Variants in PRKD1 observed in about 807,000 individuals in gnomAD.
PRKD1 encodes protein kinase D1.
In PRKD1, 63 loss-of-function variants were observed where a neutral mutation model predicts 95.9. That is an observed-to-expected ratio of 0.66 (90% CI 0.54 to 0.81). The LOEUF (loss-of-function observed/expected upper bound fraction) is 0.81, where lower values mean the gene tolerates loss of function less well. Among genes scored for constraint, PRKD1 ranks in the 30% least tolerant of loss-of-function variants. The probability of loss-of-function intolerance (pLI) is 0.00; values close to 1 mark genes in which losing one functional copy is unlikely to be tolerated. For missense variants in PRKD1, 1,048 were observed against 1,165.3 expected (o/e 0.90, Z 1.47); for synonymous variants, 425 against 423.1 (o/e 1.00, Z -0.05).
intron 1 of PRKD1, among the ~76,000 whole-genome samples, chr14:29,847,880 C>G (rs1050730272): frequency 5.3e-5 from 8 of 152,030 alleles, no homozygotes; most frequent in African/African-American, 1.7e-4. Flanking sequence ...CTCTCTCTCC[C>G]CCCCCACCAA....
At chr14:29,735,621 G>A (rs951156730) in intron 1 of PRKD1, among the ~76,000 whole-genome samples, 2 of 152,216 alleles carry the variant, frequency 1.3e-5, no homozygotes, top group Admixed American at 6.5e-5. Flanking sequence ...TGTGATGCAA[G>A]AGTCAGGTGG....
intron 1 of PRKD1, among the ~76,000 whole-genome samples, chr14:29,727,845 T>C (rs1227705461): frequency 6.6e-6 from 1 of 151,332 alleles, no homozygotes; most frequent in Non-Finnish European, 1.5e-5. Context: ...AAATGATGAG[T>C]TCATGTCCTT....
At chr14:29,683,486 G>C (rs182250869) in intron 2 of PRKD1, among the ~76,000 whole-genome samples, 3 of 152,268 alleles carry the variant, frequency 2.0e-5, no homozygotes, top group African/African-American at 7.2e-5. Context: ...CAGAGGTTAG[G>C]GGAAAGAGTA....
intron 2 of PRKD1, among the ~76,000 whole-genome samples, chr14:29,710,650 G>A (rs1043360696): frequency 1.3e-5 from 2 of 151,950 alleles, no homozygotes; most frequent in Non-Finnish European, 2.9e-5. Context: ...AGCAGAAACA[G>A]GACATTAATG....
intron 1 of PRKD1, among the ~76,000 whole-genome samples, chr14:29,790,136 T>C (rs2139191561): frequency 6.6e-6 from 1 of 150,444 alleles, no homozygotes; most frequent in South Asian, 2.1e-4. Flanking sequence ...CTGAGCCTCC[T>C]GAGTAGCTTG....
At chr14:29,722,312 G>A (rs914807140) in intron 2 of PRKD1, among the ~76,000 whole-genome samples, 9 of 152,160 alleles carry the variant, frequency 5.9e-5, no homozygotes, top group Non-Finnish European at 2.9e-5. Flanking sequence ...ACTAGGTCAG[G>A]AAGGAGTATG....
chr14:29,734,041 T>C (rs1886592744), intron 1 of PRKD1, among the ~76,000 whole-genome samples: 2 of 47,052 alleles, frequency 4.3e-5, no homozygotes, highest in Non-Finnish European at 8.6e-5. Context: ...TTTTTTTTTT[T>C]TTTTTTTTTT....
chr14:29,839,554 TC>T, intron 1 of PRKD1, among the ~76,000 whole-genome samples: 1 of 152,132 alleles, frequency 6.6e-6, no homozygotes, highest in South Asian at 2.1e-4. Context: ...TTCTCACAGC[TC>T]CACCAGGCAG....
At chr14:29,628,017 A>G (rs1879739752) in intron 11 of PRKD1, among the ~76,000 whole-genome samples, 1 of 152,214 alleles carries the variant, frequency 6.6e-6, no homozygotes, top group South Asian at 2.1e-4. Context: ...GCTATCAGGA[A>G]TTTCCCAAGA....
chr14:29,850,488 A>G (rs1892267427), intron 1 of PRKD1, among the ~76,000 whole-genome samples: 1 of 151,888 alleles, frequency 6.6e-6, no homozygotes, highest in Non-Finnish European at 1.5e-5. Flanking sequence ...ACATATACAC[A>G]CACACACACA....
intron 1 of PRKD1, among the ~76,000 whole-genome samples, chr14:29,781,575 A>C (rs532321926): frequency 1.3e-5 from 2 of 152,248 alleles, no homozygotes; most frequent in Non-Finnish European, 2.9e-5. Context: ...GCCTGAGCCA[A>C]GGTACAAAGA....
chr14:29,861,408 T>A (rs971439145), intron 1 of PRKD1, among the ~76,000 whole-genome samples: 1 of 152,188 alleles, frequency 6.6e-6, no homozygotes, highest in African/African-American at 2.4e-5. Context: ...TTTATAATTT[T>A]TTTATATTTT....
In PRKD1 at chr14:29,626,514, C is replaced by G; in HGVS notation, c.1768G>C (p.Gly590Arg). 2 of 1,612,380 alleles carry G rather than the reference C, an allele frequency of 1.2e-6. No individual in the cohort carries two copies. Among genetic ancestry groups the G allele is most frequent in the South Asian group, 2.2e-5 (2 of 90,996 alleles). Residue 590 changes from glycine (G) to arginine (R), a missense_variant, in exon 12 of 18, where the codon GGT (glycine) becomes CGT (arginine). Around this residue, in one of 3 missense-constraint regions of PRKD1, gnomAD observed 739 missense variants for 861.9 expected, o/e 0.86. Coordinates refer to ENST00000331968, the MANE Select transcript of PRKD1 (RefSeq NM_002742.3). The part of the protein sequence containing the change: ...VYQIFPDEVL[G>R]SGQFGIVYGG... ...TAAACAATTCCAAACTGTCCAGAAC[C>G]CAGTACTTCATCAGGAAAAATCTGA...
chr14:29,677,837 T>TTACA (rs1329739804), intron 2 of PRKD1, among the ~76,000 whole-genome samples: 1 of 152,236 alleles, frequency 6.6e-6, no homozygotes, highest in Non-Finnish European at 1.5e-5. Flanking sequence ...AGTGCTGGGA[T>TTACA]TACAGGCTTG....
intron 1 of PRKD1, among the ~76,000 whole-genome samples, chr14:29,881,169 T>C (rs931026973): frequency 6.6e-6 from 1 of 152,188 alleles, no homozygotes; most frequent in Admixed American, 6.5e-5. Context: ...ACTTGAATTG[T>C]ATCTCCCAGA....
chr14:29,638,767 G>A lies in PRKD1; in HGVS notation c.834C>T (p.Tyr278=). The A allele has an allele frequency of 1.2e-6, 2 of 1,613,860 alleles. No individual in the cohort carries two copies. Among genetic ancestry groups the A allele is most frequent in the Admixed American group, 1.7e-5 (1 of 60,004 alleles). The change falls in exon 5 of 18, where the codon TAC becomes TAT. Residue 278 remains tyrosine (Y), a synonymous_variant. Transcript: ENST00000331968. ...AGTACTGGCACACTGTGGGCCGGGT[G>A]TAGGAGTGGATGACAAATGTGTGCG... ...KVPHTFVIHS[Y]TRPTVCQYCK... is the part of the protein sequence containing the mutation.
chr14:29,644,689 T>C (rs1881013166), intron 4 of PRKD1, among the ~76,000 whole-genome samples: 1 of 152,088 alleles, frequency 6.6e-6, no homozygotes, highest in Non-Finnish European at 1.5e-5. Flanking sequence ...TTTTCTATCA[T>C]TATCTAGTTC....
chr14:29,875,255 G>A (rs1488991789), intron 1 of PRKD1, among the ~76,000 whole-genome samples: 1 of 152,050 alleles, frequency 6.6e-6, no homozygotes. Flanking sequence ...TGACGGGGAA[G>A]TACACAAAAG....
chr14:29,880,969 A>G (rs1378748268), intron 1 of PRKD1, among the ~76,000 whole-genome samples: 4 of 152,218 alleles, frequency 2.6e-5, no homozygotes, highest in Admixed American at 2.6e-4. Flanking sequence ...TTACAGGCTC[A>G]TAGGTGAAAG....
Sources: allele counts gnomAD v4.1 joint callset (sites outside exome capture counted in the v4.1 genomes callset), GRCh38; gene constraint gnomAD v4.1.1; regional missense constraint gnomAD v4.1.1; transcripts MANE v1.5; gene names NCBI Gene and HGNC (gene_info 2026-07-23, HGNC 2026-07-21).